Variants in DPF3 observed in about 807,000 individuals in gnomAD.
DPF3 encodes double PHD fingers 3, also known as zinc finger protein DPF3.
In DPF3, 18 loss-of-function variants were observed where a neutral mutation model predicts 56.8. The ratio of observed to expected loss-of-function variants is 0.32; its 90% confidence interval spans 0.22 to 0.47. The LOEUF is 0.47. DPF3 is among the 20% of genes least tolerant of loss of function. The probability of loss-of-function intolerance (pLI) is 1.00; values close to 1 mark genes in which losing one functional copy is unlikely to be tolerated. For missense variants in DPF3, 403 were observed against 488.8 expected (o/e 0.82, Z 1.65); for synonymous variants, 188 against 180.2 (o/e 1.04, Z -0.35).
chr14:72,877,859 T>C (rs1886174441), intron 1 of DPF3, among the ~76,000 whole-genome samples: 1 of 152,114 alleles, frequency 6.6e-6, no homozygotes, highest in African/African-American at 2.4e-5. Context: ...TTAGATAAAA[T>C]GAGGACAGAA....
rs998031985 is a variant in DPF3, at chr14:72,753,249, C to T, written c.301+15G>A. On this transcript the variant is annotated intron_variant, in intron 3 of 10. Transcript: ENST00000556509. ...TTCCCATCACAGACCCAGCCAAGCT[C>T]CAGAGGGCACTGACCAGGTTTTATC... 1 of 1,612,102 alleles carries T rather than the reference C, an allele frequency of 6.2e-7. No individual in the cohort carries two copies.
intron 7 of DPF3, among the ~76,000 whole-genome samples, chr14:72,689,064 G>T (rs553360139): frequency 3.4e-4 from 52 of 152,254 alleles, no homozygotes; most frequent in Non-Finnish European, 5.7e-4. Context: ...ATCAGGAGTG[G>T]CAGTGGATTG....
intron 4 of DPF3, among the ~76,000 whole-genome samples, chr14:72,725,689 G>A (rs1251059504): frequency 6.6e-6 from 1 of 152,094 alleles, no homozygotes; most frequent in Non-Finnish European, 1.5e-5. Context: ...GGCACACACT[G>A]CACTGTTGTC....
intron 8 of DPF3, chr14:72,670,777 A>C (rs894003400): frequency 1.5e-5 from 15 of 1,027,804 alleles, no homozygotes; most frequent in Non-Finnish European, 1.8e-5. Flanking sequence ...AATAAATATG[A>C]AAATTGAGGA....
chr14:72,630,562 C>G (rs147471483), intron 8 of DPF3, among the ~76,000 whole-genome samples: 63 of 152,276 alleles, frequency 4.1e-4, no homozygotes, highest in Non-Finnish European at 7.5e-4. Flanking sequence ...GTCCTCAGAC[C>G]TAGGTCACCT....
intron 8 of DPF3, chr14:72,661,981 A>G (rs1329046113): frequency 1.6e-5 from 16 of 984,524 alleles, no homozygotes; most frequent in South Asian, 4.7e-5. Context: ...CTCATCAGAC[A>G]TGATAACTAG....
intron 1 of DPF3, among the ~76,000 whole-genome samples, chr14:72,887,170 C>T (rs909845166): frequency 1.7e-5 from 2 of 118,782 alleles, no homozygotes; most frequent in Non-Finnish European, 3.9e-5. Context: ...CACACACACA[C>T]ACACACACAC....
chr14:72,656,945 T>C (rs1886077929), intron 8 of DPF3, among the ~76,000 whole-genome samples: 1 of 152,212 alleles, frequency 6.6e-6, no homozygotes, highest in Non-Finnish European at 1.5e-5. Context: ...GATCATTTCA[T>C]GTGCAACTAG....
chr14:72,679,556 C>A (rs1300717489), intron 7 of DPF3, among the ~76,000 whole-genome samples: 1 of 152,178 alleles, frequency 6.6e-6, no homozygotes, highest in Non-Finnish European at 1.5e-5. Flanking sequence ...GTGAGCAGAG[C>A]CCTCTGGGAA....
At chr14:72,801,318 G>A (rs1050362256) in intron 1 of DPF3, among the ~76,000 whole-genome samples, 4 of 152,188 alleles carry the variant, frequency 2.6e-5, no homozygotes, top group African/African-American at 9.7e-5. Context: ...ACCCCAGGAT[G>A]GCTGGTGAGG....
At chr14:72,835,954 C>A (rs1884275139) in intron 1 of DPF3, 1 of 787,954 alleles carries the variant, frequency 1.3e-6, no homozygotes, top group African/African-American at 1.9e-5. Context: ...CACCTAAAAC[C>A]TGTGCGTTGT....
chr14:72,683,376 G>A (rs1463722201), intron 7 of DPF3, among the ~76,000 whole-genome samples: 2 of 145,894 alleles, frequency 1.4e-5, no homozygotes, highest in South Asian at 2.3e-4. Flanking sequence ...TGCTGAATCA[G>A]AAACTCTGGG....
At chr14:72,733,986 G>A (rs1168119618) in intron 3 of DPF3, among the ~76,000 whole-genome samples, 1 of 152,180 alleles carries the variant, frequency 6.6e-6, no homozygotes. Context: ...AAAAAGGAGA[G>A]CAAAGGATCC....
intron 4 of DPF3, among the ~76,000 whole-genome samples, chr14:72,727,730 G>C (rs1320939383): frequency 6.6e-6 from 1 of 152,134 alleles, no homozygotes; most frequent in Non-Finnish European, 1.5e-5. Flanking sequence ...TATGAGTAGA[G>C]AGGATAGGTA....
intron 6 of DPF3, among the ~76,000 whole-genome samples, chr14:72,713,676 TGAC>T (rs1888756086): frequency 6.6e-6 from 1 of 152,182 alleles, no homozygotes; most frequent in Non-Finnish European, 1.5e-5. Flanking sequence ...AGTGAGAAGA[TGAC>T]TAGGGCACAG....
At chr14:72,699,936 G>A (rs1741662154) in intron 6 of DPF3, among the ~76,000 whole-genome samples, 1 of 152,102 alleles carries the variant, frequency 6.6e-6, no homozygotes, top group Non-Finnish European at 1.5e-5. Context: ...GGGGCCAGCT[G>A]TGGGAGGAGG....
rs966957751 is a variant in DPF3, at chr14:72,661,613, G to A, written c.871+12627C>T. On this transcript the variant is annotated intron_variant, in intron 8 of 10. Coordinates refer to ENST00000556509, the MANE Select transcript of DPF3 (RefSeq NM_001280542.3). ...CGAGATACATCCCATCGGCCAAAACGCCCACTTCCGCCAGCTCAGCCAGAA... is the reference window on the plus strand; with the variant it reads ...CGAGATACATCCCATCGGCCAAAACACCCACTTCCGCCAGCTCAGCCAGAA... 1.2e-5 allele frequency: 12 copies of A among 985,232 alleles called. No homozygotes were observed. In the South Asian group the frequency reaches 3.3e-4, roughly 27 times the overall value. 61.0% of individuals were successfully genotyped at this position (985,232 alleles called of 1,614,324 possible).
intron 8 of DPF3, among the ~76,000 whole-genome samples, chr14:72,640,812 AAGACC>A (rs1200029162): frequency 1.3e-5 from 2 of 152,248 alleles, no homozygotes; most frequent in Non-Finnish European, 2.9e-5. Context: ...TTCAGGAGAC[AAGACC>A]AGGCTAGAGA....
intron 3 of DPF3, among the ~76,000 whole-genome samples, chr14:72,734,926 C>T (rs1889826936): frequency 1.3e-5 from 2 of 152,208 alleles, no homozygotes; most frequent in South Asian, 4.1e-4. Flanking sequence ...AACTTAGCAG[C>T]TGTTACTGCT....
Sources: gnomAD v4.1 joint callset for allele counts (sites outside exome capture counted in the v4.1 genomes callset) on GRCh38, gnomAD v4.1.1 for gene constraint, MANE v1.5 for transcripts, NCBI Gene and HGNC (gene_info 2026-07-23, HGNC 2026-07-21) for gene names.